Variants in OSBPL6 observed in about 807,000 individuals in gnomAD.
OSBPL6 encodes the protein oxysterol-binding protein-related protein 6.
A neutral mutation model predicts 125.8 loss-of-function variants in OSBPL6; 49 were observed. The ratio of observed to expected loss-of-function variants is 0.39; its 90% confidence interval spans 0.31 to 0.49. The LOEUF (loss-of-function observed/expected upper bound fraction) is 0.49. Ranked by LOEUF, OSBPL6 falls within the 20% of genes least tolerant of loss-of-function variation. OSBPL6 has a pLI of 0.88. For missense variants in OSBPL6, 986 were observed against 1,135.4 expected (o/e 0.87, Z 1.89); for synonymous variants, 394 against 391.8 (o/e 1.01, Z -0.07).
At position 178,318,295 on chromosome 2, in the gene OSBPL6, G is replaced by A. The variant is rs113881703; in HGVS notation, c.103-5882G>A. Among the ~76,000 whole-genome samples, 258 of 152,310 alleles carry A rather than the reference G, an allele frequency of 1.7e-3. 2 individuals are homozygous for A. The highest frequency in any genetic ancestry group is 5.4e-3 in the African/African-American group (223 of 41,560). The stretch of plus-strand genomic sequence containing the variant: ...TGATTCATAATTCTGTGCAGGAAGG[G>A]ATGGGACTGTGCTCACTTTGCTTTT... On this transcript the variant is annotated intron_variant, in intron 3 of 24. Coordinates refer to ENST00000190611, the MANE Select transcript of OSBPL6 (RefSeq NM_032523.4).
rs772945153 is a variant in OSBPL6 at position 178,395,497 on chromosome 2, A to G, written c.2743A>G (p.Thr915Ala). 68 of 1,613,668 alleles carry G rather than the reference A, an allele frequency of 4.2e-5. No homozygotes were observed. Among genetic ancestry groups the G allele is most frequent in the South Asian group, 2.0e-4 (18 of 91,062 alleles). Residue 915 changes from threonine to alanine, a missense_variant, in exon 25 of 25, where the codon ACC (threonine) becomes GCC (alanine). Around this residue, in one of 3 missense-constraint regions of OSBPL6, gnomAD observed 843 missense variants for 997.3 expected, o/e 0.85. Coordinates refer to ENST00000190611, the MANE Select transcript of OSBPL6 (RefSeq NM_032523.4). ...NQREAWVSND[T>A]YWELRKDPGF... is the part of the protein sequence containing the mutation. ...AAGAGAAGCCTGGGTTTCTAACGACACCTACTGGGAGCTTCGAAAGGACCC... is the reference window on the plus strand; with the variant it reads ...AAGAGAAGCCTGGGTTTCTAACGACGCCTACTGGGAGCTTCGAAAGGACCC...
chr2:178,384,062 T>C lies in OSBPL6; in HGVS notation c.1899T>C (p.Val633=), dbSNP rs372593872. 71 of 1,613,892 alleles carry C rather than the reference T, an allele frequency of 4.4e-5. No individual in the cohort carries two copies. The highest frequency in any genetic ancestry group is 5.9e-5 in the Non-Finnish European group (70 of 1,179,868). ...AGGTTCTCGTTGCCGCATTTGCAGT[T>C]TCAGGATACTGCTCCACCTATTTCA... ...ERMVLVAAFA[V]SGYCSTYFRA... The change falls in exon 18 of 25, where the codon GTT becomes GTC. Residue 633 remains valine (V), a synonymous_variant. Coordinates refer to ENST00000190611, the MANE Select transcript of OSBPL6 (RefSeq NM_032523.4).
At position 178,387,157 on chromosome 2, in the gene OSBPL6, C is replaced by T. The variant is rs753925455; in HGVS notation, c.2156+18C>T. ...CTTCCAAAGTAGGTGACTCACACCT[C>T]CCTTTTGGCCTCTTGTCTGCTTTTC... is the stretch of plus-strand genomic sequence containing the variant. On this transcript the variant is annotated intron_variant, in intron 20 of 24. Transcript: ENST00000190611. 2 of 1,565,160 alleles carry T rather than the reference C, an allele frequency of 1.3e-6. No homozygotes were observed. Among genetic ancestry groups the T allele is most frequent in the Admixed American group, 3.4e-5 (2 of 59,346 alleles).
chr2:178,221,778 T>C (rs532688060), intron 1 of OSBPL6, among the ~76,000 whole-genome samples: 1 of 152,306 alleles, frequency 6.6e-6, no homozygotes, highest in African/African-American at 2.4e-5. Context: ...AGGGCTGGTT[T>C]CACAATCAAT....
intron 12 of OSBPL6, among the ~76,000 whole-genome samples, chr2:178,358,893 T>A (rs998947861): frequency 6.6e-6 from 1 of 152,174 alleles, no homozygotes; most frequent in African/African-American, 2.4e-5. Flanking sequence ...AAGGGCTTAA[T>A]ATCCAGGATG....
rs368680957 is a variant in OSBPL6, at chr2:178,293,544, G to T, written c.-156+8423G>T. Among the ~76,000 whole-genome samples, 7 of 152,074 alleles carry T rather than the reference G, an allele frequency of 4.6e-5. No individual in the cohort carries two copies. In the East Asian group the frequency reaches 7.7e-4, roughly 17 times the overall value. On this transcript the variant is annotated intron_variant, in intron 2 of 24. Transcript: ENST00000190611. Reference sequence around the variant, plus strand: ...ATGTAGTAGGTGTATATATTTATGGGGCACATGAGATGTTTTGATATAGGC... The same window carrying T: ...ATGTAGTAGGTGTATATATTTATGGTGCACATGAGATGTTTTGATATAGGC...
intron 11 of OSBPL6, among the ~76,000 whole-genome samples, chr2:178,345,567 G>A (rs1690618100): frequency 6.6e-6 from 1 of 152,218 alleles, no homozygotes; most frequent in African/African-American, 2.4e-5. Flanking sequence ...TCTTATGCAT[G>A]TATTCAAATG....
At chr2:178,360,824 G>T in intron 12 of OSBPL6, among the ~76,000 whole-genome samples, 1 of 152,156 alleles carries the variant, frequency 6.6e-6, no homozygotes, top group South Asian at 2.1e-4. Flanking sequence ...TGAATCCCTT[G>T]TGATCCTGCC....
intron 1 of OSBPL6, among the ~76,000 whole-genome samples, chr2:178,221,052 C>T (rs2090319000): frequency 6.6e-6 from 1 of 152,142 alleles, no homozygotes; most frequent in Non-Finnish European, 1.5e-5. Flanking sequence ...GACTCTTCAG[C>T]CCATTGAGGC....
At chr2:178,386,928 A>G (rs1382899559) in intron 19 of OSBPL6, 133 bp from the exon 20 acceptor site, 7 of 482,906 alleles carry the variant, frequency 1.4e-5, no homozygotes, top group South Asian at 3.7e-5. Context: ...GGCACTTGTC[A>G]TACTAAATCA....
chr2:178,235,218 G>T (rs1180424838), intron 1 of OSBPL6, among the ~76,000 whole-genome samples: 1 of 152,044 alleles, frequency 6.6e-6, no homozygotes, highest in Admixed American at 6.6e-5. Context: ...TGGTCCTGAT[G>T]CATGAATTAC....
chr2:178,285,015 A>C lies in OSBPL6; in HGVS notation c.-262A>C, dbSNP rs1273130074. On this transcript the variant is annotated 5_prime_UTR_variant, in exon 2 of 25. Coordinates refer to ENST00000190611, the MANE Select transcript of OSBPL6 (RefSeq NM_032523.4). ...CCAGATAGCCCCAGCAAGGTCAAAGACATATCATGTCCCAAGGAGAAAAGC... is the reference window on the plus strand; with the variant it reads ...CCAGATAGCCCCAGCAAGGTCAAAGCCATATCATGTCCCAAGGAGAAAAGC... The C allele has an allele frequency of 2.5e-6, 1 of 398,552 alleles. No homozygotes were observed. The highest frequency in any genetic ancestry group is 2.1e-5 in the African/African-American group (1 of 48,748). 24.7% of individuals were successfully genotyped at this position (398,552 alleles called of 1,614,324 possible).
chr2:178,263,386 G>A (rs2092123751), intron 1 of OSBPL6, among the ~76,000 whole-genome samples: 1 of 152,336 alleles, frequency 6.6e-6, no homozygotes, highest in African/African-American at 2.4e-5. Flanking sequence ...ACTGAGATGG[G>A]AGCATTGCTT....
chr2:178,352,731 G>A (rs1691397204), intron 12 of OSBPL6, among the ~76,000 whole-genome samples: 1 of 152,200 alleles, frequency 6.6e-6, no homozygotes, highest in South Asian at 2.1e-4. Context: ...TCTGAAGAGA[G>A]CAGTGGTTCT....
chr2:178,397,104 G>A lies in OSBPL6; in HGVS notation c.*1545G>A, dbSNP rs956081831. ...TTATTATGAGGTGTTGATTTTAGTG[G>A]TATTTCTCCTCAGCAAAGCATTCCT... is the stretch of plus-strand genomic sequence containing the variant. On this transcript the variant is annotated 3_prime_UTR_variant, in exon 25 of 25. Coordinates refer to ENST00000190611, the MANE Select transcript of OSBPL6 (RefSeq NM_032523.4). 39 of 152,270 alleles carry A rather than the reference G, an allele frequency of 2.6e-4. No individual in the cohort carries two copies. The highest frequency in any genetic ancestry group is 8.9e-4 in the African/African-American group (37 of 41,560). 9.4% of individuals were successfully genotyped at this position (152,270 alleles called of 1,614,324 possible).
chr2:178,393,864 G>A (rs1695617770), intron 23 of OSBPL6, among the ~76,000 whole-genome samples: 1 of 152,122 alleles, frequency 6.6e-6, no homozygotes, highest in Admixed American at 6.6e-5. Context: ...CTCTCAGCCT[G>A]TTCTCAAAAT....
At chr2:178,370,972 GTT>G (rs1405346172) in intron 13 of OSBPL6, among the ~76,000 whole-genome samples, 5 of 152,168 alleles carry the variant, frequency 3.3e-5, no homozygotes, top group African/African-American at 9.7e-5. Context: ...TAGCTACTTT[GTT>G]TTTACCCTGG....
chr2:178,338,009 T>C (rs1287782615), intron 9 of OSBPL6, among the ~76,000 whole-genome samples: 1 of 148,280 alleles, frequency 6.7e-6, no homozygotes, highest in Non-Finnish European at 1.5e-5. Flanking sequence ...TGGTGCTATC[T>C]CTGCTCACTG....
rs1344924764 is a variant in OSBPL6 at position 178,382,510 on chromosome 2, A to G, written c.1621+3A>G. On this transcript the variant is annotated splice_donor_region_variant and intron_variant, in intron 16 of 24. Coordinates refer to ENST00000190611, the MANE Select transcript of OSBPL6 (RefSeq NM_032523.4). The stretch of plus-strand genomic sequence containing the variant: ...TGCAGACAATATTTCTCGGCAAAGT[A>G]TGCATCATTTGAGCTTCCAGGTTGT... 2 of 1,614,142 alleles carry G rather than the reference A, an allele frequency of 1.2e-6. No individual in the cohort carries two copies. Among genetic ancestry groups the G allele is most frequent in the Non-Finnish European group, 8.5e-7 (1 of 1,180,022 alleles).
Sources: allele counts gnomAD v4.1 joint callset (sites outside exome capture counted in the v4.1 genomes callset), GRCh38; gene constraint gnomAD v4.1.1; regional missense constraint gnomAD v4.1.1; transcripts MANE v1.5; gene names NCBI Gene and HGNC (gene_info 2026-07-23, HGNC 2026-07-21).